The following LRCH1 variants were observed in gnomAD, a reference collection of about 807,000 sequenced individuals.
The protein encoded by LRCH1 is leucine rich repeats and calponin homology domain containing 1, also known as leucine-rich repeat and calponin homology domain-containing protein 1.
A neutral mutation model predicts 94.9 loss-of-function variants in LRCH1; 23 were observed. That is an observed-to-expected ratio of 0.24 (90% confidence interval 0.17 to 0.34). The LOEUF (loss-of-function observed/expected upper bound fraction) is 0.34, where lower values mean the gene tolerates loss of function less well. LRCH1 is among the 10% of genes least tolerant of loss of function. LRCH1 has a pLI of 1.00. For missense variants in LRCH1, 790 were observed against 945.9 expected (o/e 0.84, Z 2.16); for synonymous variants, 364 against 354.9 (o/e 1.03, Z -0.29).
At chr13:46,752,700 A>C (rs1874191726) in exon 19 of LRCH1, 1 of 152,162 alleles carries the variant, frequency 6.6e-6, no homozygotes, top group Non-Finnish European at 1.5e-5. Flanking sequence ...GGGGTCCTGA[A>C]ATATTTTCTT....
chr13:46,747,326 G>A (rs1331943887), downstream of LRCH1, among the ~76,000 whole-genome samples: 1 of 152,118 alleles, frequency 6.6e-6, no homozygotes, highest in African/African-American at 2.4e-5. Context: ...CTGAGGCCTC[G>A]ATACCTTCCC....
chr13:46,609,191 C>T (rs1197960815), intron 1 of LRCH1, among the ~76,000 whole-genome samples: 3 of 152,338 alleles, frequency 2.0e-5, no homozygotes, highest in South Asian at 4.1e-4. Context: ...TGTGCTCGGC[C>T]TCTTTGTCAC....
At chr13:46,702,118 A>G (rs1871508375) in intron 11 of LRCH1, among the ~76,000 whole-genome samples, 1 of 152,248 alleles carries the variant, frequency 6.6e-6, no homozygotes, top group South Asian at 2.1e-4. Flanking sequence ...GAAGATCTGC[A>G]GTGTGCACCT....
At chr13:46,745,363 G>A (rs1474406887), downstream of LRCH1, among the ~76,000 whole-genome samples, 11 of 152,110 alleles carry the variant, frequency 7.2e-5, no homozygotes, top group Admixed American at 2.0e-4. Context: ...GACCTGTGGT[G>A]GAACGGGTAC....
intron 13 of LRCH1, chr13:46,705,583 G>A: frequency 1.8e-6 from 1 of 571,090 alleles, no homozygotes; most frequent in South Asian, 1.9e-5. Flanking sequence ...GTCAAGCGAT[G>A]GCAACTAAAA....
At position 46,742,163 on chromosome 13, in the gene LRCH1, C is replaced by T; in HGVS notation, c.*315C>T. 8.4e-7 allele frequency: 1 copy of T among 1,197,046 alleles called. No homozygotes were observed. The highest frequency in any genetic ancestry group is 2.1e-5 in the South Asian group (1 of 48,666). The allele number at this position is 1,197,046 out of a possible 1,614,324, so 74.2% of individuals were successfully genotyped here. A position where few individuals can be genotyped will look rare whatever the true frequency, so the allele number is the denominator to read the frequency against. Reference sequence around the variant, plus strand: ...TCCTCCTCTCCCTCCCGGTGAGCTGCTGCCCTGGGCAGAGGGGAGGAGAAT... The same window carrying T: ...TCCTCCTCTCCCTCCCGGTGAGCTGTTGCCCTGGGCAGAGGGGAGGAGAAT... On this transcript the variant is annotated 3_prime_UTR_variant, in exon 20 of 20. Coordinates refer to ENST00000389797, the MANE Select transcript of LRCH1 (RefSeq NM_001164211.2).
chr13:46,698,309 G>A (rs1871297591), intron 9 of LRCH1, among the ~76,000 whole-genome samples: 1 of 152,194 alleles, frequency 6.6e-6, no homozygotes, highest in Non-Finnish European at 1.5e-5. Flanking sequence ...CCCTATTCAG[G>A]CTGGCTTTCA....
chr13:46,683,858 A>G (rs778247187), intron 4 of LRCH1, among the ~76,000 whole-genome samples: 1 of 152,202 alleles, frequency 6.6e-6, no homozygotes, highest in Non-Finnish European at 1.5e-5. Context: ...GAAATTTCTT[A>G]AAAAAATAAC....
chr13:46,568,763 T>C (rs1242374111), intron 1 of LRCH1, among the ~76,000 whole-genome samples: 2 of 152,150 alleles, frequency 1.3e-5, no homozygotes, highest in Non-Finnish European at 2.9e-5. Context: ...ATTCTATGTC[T>C]TAGAATGGTG....
chr13:46,639,906 C>A (rs1415072144), intron 1 of LRCH1, among the ~76,000 whole-genome samples: 2 of 152,210 alleles, frequency 1.3e-5, no homozygotes, highest in African/African-American at 4.8e-5. Flanking sequence ...CAGAGAGTAT[C>A]AGAGGAGGCC....
At chr13:46,676,265 G>C (rs73487761) in intron 3 of LRCH1, among the ~76,000 whole-genome samples, 2 of 151,612 alleles carry the variant, frequency 1.3e-5, no homozygotes, top group African/African-American at 4.9e-5. Context: ...TCGGTGGGGT[G>C]GGGGGAAAGA....
At chr13:46,630,027 A>G (rs1305626377) in intron 1 of LRCH1, among the ~76,000 whole-genome samples, 1 of 152,244 alleles carries the variant, frequency 6.6e-6, no homozygotes, top group Non-Finnish European at 1.5e-5. Flanking sequence ...GGCAAGGGAA[A>G]GTTACAGAGT....
chr13:46,608,010 C>T (rs754839983), intron 1 of LRCH1, among the ~76,000 whole-genome samples: 7 of 152,282 alleles, frequency 4.6e-5, no homozygotes, highest in Non-Finnish European at 8.8e-5. Context: ...CAGAGTTTAC[C>T]GGTGATGAAT....
chr13:46,709,523 C>T (rs891836176), intron 13 of LRCH1, among the ~76,000 whole-genome samples: 2 of 152,194 alleles, frequency 1.3e-5, no homozygotes, highest in African/African-American at 4.8e-5. Flanking sequence ...CAGGTCCAAC[C>T]TTCCTTAGCA....
rs967928954 is a variant in LRCH1, at chr13:46,741,910, A to G, written c.*62A>G. The G allele has an allele frequency of 6.2e-7, 1 of 1,602,892 alleles. No homozygotes were observed. The highest frequency in any genetic ancestry group is 1.1e-5 in the South Asian group (1 of 90,500). ...CCTCAACCTTTGCAGGGTCCTTCCT[A>G]CCTTTGAGCCTTTGCCTTGCAAACT... On this transcript the variant is annotated 3_prime_UTR_variant, in exon 20 of 20. Coordinates refer to ENST00000389797, the MANE Select transcript of LRCH1 (RefSeq NM_001164211.2).
chr13:46,697,084 A>G (rs1350779893), intron 9 of LRCH1, among the ~76,000 whole-genome samples: 1 of 152,306 alleles, frequency 6.6e-6, no homozygotes, highest in South Asian at 2.1e-4. Context: ...ACAGAGTTCT[A>G]TGCTTTACAT....
intron 2 of LRCH1, among the ~76,000 whole-genome samples, chr13:46,655,155 T>C (rs1171420890): frequency 6.6e-6 from 1 of 152,206 alleles, no homozygotes; most frequent in African/African-American, 2.4e-5. Context: ...ATGATAATGA[T>C]GATGACTATG....
rs757961213 is a variant in LRCH1 at position 46,553,610 on chromosome 13, A to G, written c.214A>G (p.Asn72Asp). Residue 72 changes from asparagine to aspartate, a missense_variant, in exon 1 of 20, where the codon AAC (asparagine) becomes GAC (aspartate). This residue lies in a region of LRCH1 where 136 missense variants were observed against 143.5 expected (regional missense o/e 0.95). Coordinates refer to ENST00000389797, the MANE Select transcript of LRCH1 (RefSeq NM_001164211.2). ...GLERALEEAA[N>D]SGGLNLSARK... Reference sequence around the variant, plus strand: ...GGAGCGCGCGCTTGAGGAGGCGGCCAACTCCGGGGGGCTGAACCTGAGCGC... The same window carrying G: ...GGAGCGCGCGCTTGAGGAGGCGGCCGACTCCGGGGGGCTGAACCTGAGCGC... 65 of 1,570,556 alleles carry G rather than the reference A, an allele frequency of 4.1e-5. No homozygotes were observed. The highest frequency in any genetic ancestry group is 5.2e-5 in the Non-Finnish European group (60 of 1,159,002).
chr13:46,606,148 ATG>A (rs3991577), intron 1 of LRCH1, among the ~76,000 whole-genome samples: 92,527 of 148,538 alleles, frequency 0.62, 29,033 homozygotes, highest in East Asian at 0.76. Flanking sequence ...TTTTAACCTT[ATG>A]TGTGTGTGTG....
Sources: allele counts gnomAD v4.1 joint callset (sites outside exome capture counted in the v4.1 genomes callset), GRCh38; gene constraint gnomAD v4.1.1; regional missense constraint gnomAD v4.1.1; transcripts MANE v1.5; gene names NCBI Gene and HGNC (gene_info 2026-07-23, HGNC 2026-07-21).